The following GRIA2 variants were observed in gnomAD, a reference collection of about 807,000 sequenced individuals.
GRIA2 encodes the protein glutamate ionotropic receptor AMPA type subunit 2.
Under a neutral mutation model 97.3 loss-of-function variants are expected in GRIA2, and 14 were observed. The observed-to-expected ratio is 0.14, with a 90% CI of 0.10 to 0.23. GRIA2 has a LOEUF of 0.23. Ranked by LOEUF, GRIA2 falls within the 10% of genes least tolerant of loss-of-function variation. The pLI is 1.00. For synonymous variants in GRIA2, 412 were observed against 387.8 expected (o/e 1.06, Z -0.73); for missense variants, 558 against 1,069.8 (o/e 0.52, Z 6.67).
intron 12 of GRIA2, among the ~76,000 whole-genome samples, chr4:157,348,843 G>A (rs1735878592): frequency 6.6e-6 from 1 of 152,126 alleles, no homozygotes; most frequent in Non-Finnish European, 1.5e-5. Context: ...AAATGAAATA[G>A]CAACCATTAA....
chr4:157,223,459 T>C (rs1253908941), intron 2 of GRIA2, among the ~76,000 whole-genome samples: 1 of 152,180 alleles, frequency 6.6e-6, no homozygotes, highest in Non-Finnish European at 1.5e-5. Flanking sequence ...CGTAATAGAA[T>C]ATCTCAGAAA....
chr4:157,286,833 G>C (rs146913087), intron 2 of GRIA2, among the ~76,000 whole-genome samples: 1 of 151,480 alleles, frequency 6.6e-6, no homozygotes, highest in Admixed American at 6.6e-5. Context: ...CACATCTGCT[G>C]TCATTATAAT....
chr4:157,234,337 ACTT>A (rs1730149429), intron 2 of GRIA2, among the ~76,000 whole-genome samples: 1 of 152,016 alleles, frequency 6.6e-6, no homozygotes, highest in African/African-American at 2.4e-5. Flanking sequence ...AAAATAATAA[ACTT>A]CTTTAATATA....
At chr4:157,313,240 G>A (rs2126886912) in intron 4 of GRIA2, among the ~76,000 whole-genome samples, 1 of 152,192 alleles carries the variant, frequency 6.6e-6, no homozygotes. Context: ...GACAAGTTGA[G>A]TTCTAAGGGA....
chr4:157,258,259 A>G (rs1260906340), intron 2 of GRIA2, among the ~76,000 whole-genome samples: 2 of 152,074 alleles, frequency 1.3e-5, no homozygotes, highest in Non-Finnish European at 2.9e-5. Flanking sequence ...CCTCTTTCAA[A>G]AGCAAATAGG....
chr4:157,355,694 TTA>T (rs201766910), intron 12 of GRIA2, among the ~76,000 whole-genome samples: 38,884 of 98,162 alleles, frequency 0.4, 13,555 homozygotes, highest in South Asian at 0.65. Context: ...ATATATTTAT[TTA>T]TATATATTTG....
At chr4:157,308,875 C>T (rs764745847) in intron 3 of GRIA2, among the ~76,000 whole-genome samples, 18 of 152,118 alleles carry the variant, frequency 1.2e-4, no homozygotes, top group Non-Finnish European at 2.1e-4. Context: ...CTTTCATATA[C>T]ATTTTCAGTG....
At chr4:157,357,151 T>A (rs920214429) in intron 12 of GRIA2, among the ~76,000 whole-genome samples, 2 of 152,150 alleles carry the variant, frequency 1.3e-5, no homozygotes, top group African/African-American at 4.8e-5. Flanking sequence ...CTGATATGTT[T>A]AATAGAAAGT....
chr4:157,228,556 G>T (rs1018125219), intron 2 of GRIA2, among the ~76,000 whole-genome samples: 1 of 152,080 alleles, frequency 6.6e-6, no homozygotes, highest in Non-Finnish European at 1.5e-5. Context: ...ACTTTGGGTG[G>T]CCGAGGCGGG....
intron 2 of GRIA2, among the ~76,000 whole-genome samples, chr4:157,283,377 T>C (rs1732695502): frequency 6.6e-6 from 1 of 151,914 alleles, no homozygotes. Context: ...AGGCTGAAAA[T>C]ATTAGATCCA....
At chr4:157,263,151 T>G (rs1731621718) in intron 2 of GRIA2, among the ~76,000 whole-genome samples, 1 of 152,206 alleles carries the variant, frequency 6.6e-6, no homozygotes, top group South Asian at 2.1e-4. Flanking sequence ...GCCGAAAATA[T>G]ATTAAGCTCT....
chr4:157,335,171 T>G (rs949919798), intron 9 of GRIA2: 10 of 171,722 alleles, frequency 5.8e-5, no homozygotes, highest in Non-Finnish European at 1.3e-4. Context: ...AATCAGTACA[T>G]CATCATGACA....
intron 2 of GRIA2, among the ~76,000 whole-genome samples, chr4:157,250,844 C>T (rs2126740929): frequency 6.6e-6 from 1 of 152,230 alleles, no homozygotes; most frequent in Non-Finnish European, 1.5e-5. Flanking sequence ...CACTCACATA[C>T]TTCATGATCC....
intron 9 of GRIA2, chr4:157,335,375 C>G (rs1735235969): frequency 2.6e-6 from 1 of 385,846 alleles, no homozygotes; most frequent in African/African-American, 2.1e-5. Context: ...TGCTCTAAGT[C>G]CTAGCAGTGA....
chr4:157,250,699 C>G (rs75865682), intron 2 of GRIA2, among the ~76,000 whole-genome samples: 118 of 152,074 alleles, frequency 7.8e-4, no homozygotes, highest in African/African-American at 2.8e-3. Context: ...TCAAGAAGGC[C>G]CATTTGCTAC....
chr4:157,362,975 G>T lies in GRIA2; in HGVS notation c.2583G>T (p.Gln861His). 6.2e-7 allele frequency: 1 copy of T among 1,613,234 alleles called. No homozygotes were observed. Among genetic ancestry groups the T allele is most frequent in the African/African-American group, 1.3e-5 (1 of 75,000 alleles). Residue 861 changes from glutamine to histidine, a missense_variant, in exon 15 of 16, where the codon CAG (glutamine) becomes CAT (histidine). Physicochemically the swap from Gln to His is conservative, Grantham distance 24. This residue lies in a region of GRIA2 where 54 missense variants were observed against 82.1 expected (regional missense o/e 0.66). Transcript: ENST00000264426. Reference sequence around the variant, plus strand: ...AGAATATTAACCCATCTTCCTCGCAGAATTCACAGAATTTTGCAACTTATA... The same window carrying T: ...AGAATATTAACCCATCTTCCTCGCATAATTCACAGAATTTTGCAACTTATA... Reference protein sequence around the residue: ...NAQNINPSSSQNSQNFATYKE... With the variant: ...NAQNINPSSSHNSQNFATYKE...
intron 11 of GRIA2, among the ~76,000 whole-genome samples, chr4:157,339,820 C>T (rs1443447554): frequency 6.6e-6 from 1 of 151,754 alleles, no homozygotes; most frequent in Admixed American, 6.6e-5. Context: ...AAATAGTGAA[C>T]ATTTTGAGAG....
chr4:157,326,112 A>G (rs565742861), intron 6 of GRIA2, among the ~76,000 whole-genome samples: 31 of 152,078 alleles, frequency 2.0e-4, no homozygotes, highest in Admixed American at 1.3e-3. Context: ...TCCTCAACCA[A>G]CCTAAGCAAC....
chr4:157,268,381 G>A (rs1468170080), intron 2 of GRIA2, among the ~76,000 whole-genome samples: 1 of 151,950 alleles, frequency 6.6e-6, no homozygotes, highest in East Asian at 1.9e-4. Context: ...TATTAGTTCT[G>A]TGGCTTACCT....
Sources: allele counts gnomAD v4.1 joint callset (sites outside exome capture counted in the v4.1 genomes callset), GRCh38; gene constraint gnomAD v4.1.1; regional missense constraint gnomAD v4.1.1; transcripts MANE v1.5; gene names NCBI Gene and HGNC (gene_info 2026-07-23, HGNC 2026-07-21).